NMNAT2: variants seen among roughly 807,000 people sequenced by gnomAD.
The protein encoded by NMNAT2 is nicotinamide nucleotide adenylyltransferase 2, also known as nicotinamide/nicotinic acid mononucleotide adenylyltransferase 2.
In NMNAT2, 11 loss-of-function variants were observed where a neutral mutation model predicts 41.6. The ratio of observed to expected loss-of-function variants is 0.26; its 90% CI spans 0.17 to 0.44. The LOEUF (loss-of-function observed/expected upper bound fraction) is 0.44. Ranked by LOEUF, NMNAT2 falls within the 20% of genes least tolerant of loss-of-function variation. The pLI is 1.00. For missense variants in NMNAT2, 288 were observed against 407.7 expected, an observed-to-expected ratio of 0.71 and a Z score of 2.53; for synonymous variants, 148 against 151.2, an observed-to-expected ratio of 0.98 and a Z score of 0.16.
chr1:183,353,235 T>G (rs1281059357), intron 1 of NMNAT2, among the ~76,000 whole-genome samples: 1 of 152,082 alleles, frequency 6.6e-6, no homozygotes, highest in Non-Finnish European at 1.5e-5. Context: ...CTTGAACTCC[T>G]GACCTCAAGA....
intron 1 of NMNAT2, among the ~76,000 whole-genome samples, chr1:183,368,803 T>C (rs1663468539): frequency 6.6e-6 from 1 of 152,228 alleles, no homozygotes; most frequent in Admixed American, 6.5e-5. Flanking sequence ...AGTAGATTCA[T>C]AGTTCTTTTG....
chr1:183,309,974 C>T (rs912858340), intron 1 of NMNAT2, among the ~76,000 whole-genome samples: 7 of 152,154 alleles, frequency 4.6e-5, no homozygotes, highest in African/African-American at 1.7e-4. Context: ...CTGGGTGAAC[C>T]TTTTCAGTAC....
At chr1:183,310,081 G>T (rs577215168) in intron 1 of NMNAT2, among the ~76,000 whole-genome samples, 1 of 152,310 alleles carries the variant, frequency 6.6e-6, no homozygotes, top group African/African-American at 2.4e-5. Context: ...TGAATTTGGT[G>T]ACCTTTACAG....
intron 1 of NMNAT2, among the ~76,000 whole-genome samples, chr1:183,374,441 G>A (rs930432637): frequency 3.0e-4 from 45 of 152,132 alleles, no homozygotes; most frequent in African/African-American, 9.4e-4. Flanking sequence ...AAACTAGGCC[G>A]GAGTCATAAT....
intron 2 of NMNAT2, 55 bp downstream of exon 2, chr1:183,293,650 G>C: frequency 2.3e-6 from 3 of 1,312,398 alleles, no homozygotes; most frequent in Non-Finnish European, 3.3e-6. Context: ...GAACTATCAG[G>C]CCAGGGATGG....
At position 183,362,452 on chromosome 1, in the gene NMNAT2, C is replaced by T. The variant is rs116406687; in HGVS notation, c.85+55731G>A. On this transcript the variant is annotated intron_variant, in intron 1 of 10. Coordinates refer to ENST00000287713, the MANE Select transcript of NMNAT2 (RefSeq NM_015039.4). ...CGCCCCCTGGCCCTGCAGTCCCTGACGGCCACTACTCTACTTTCTATCCCT... is the reference window on the plus strand; with the variant it reads ...CGCCCCCTGGCCCTGCAGTCCCTGATGGCCACTACTCTACTTTCTATCCCT... Among the ~76,000 whole-genome samples the T allele has an allele frequency of 3.5e-3, 526 of 152,266 alleles. 3 individuals carry two copies. Among genetic ancestry groups the T allele is most frequent in the African/African-American group, 0.012 (511 of 41,542 alleles).
At chr1:183,284,211 G>C (rs985237744) in intron 6 of NMNAT2, among the ~76,000 whole-genome samples, 172 bp from the exon 7 acceptor site, 1 of 152,282 alleles carries the variant, frequency 6.6e-6, no homozygotes, top group East Asian at 1.9e-4. Context: ...GGCATAAAAC[G>C]GACAGGAAGC....
chr1:183,275,830 G>A (rs985328446), intron 8 of NMNAT2, among the ~76,000 whole-genome samples: 13 of 152,064 alleles, frequency 8.5e-5, no homozygotes, highest in African/African-American at 2.2e-4. Flanking sequence ...CCGCCACCAC[G>A]CCCAGCTAAT....
intron 1 of NMNAT2, among the ~76,000 whole-genome samples, chr1:183,414,333 C>A (rs530603207): frequency 6.6e-6 from 1 of 152,260 alleles, no homozygotes; most frequent in East Asian, 1.9e-4. Flanking sequence ...TCCCCAATTC[C>A]TCTGTTTTTG....
At chr1:183,276,901 G>A (rs2102295561) in intron 8 of NMNAT2, among the ~76,000 whole-genome samples, 1 of 152,342 alleles carries the variant, frequency 6.6e-6, no homozygotes, top group East Asian at 1.9e-4. Flanking sequence ...GTTCCAGGGT[G>A]GAGAGGACTG....
intron 8 of NMNAT2, among the ~76,000 whole-genome samples, chr1:183,269,504 G>T (rs555509302): frequency 1.3e-5 from 2 of 152,346 alleles, no homozygotes; most frequent in African/African-American, 4.8e-5. Context: ...CTCCCAAACA[G>T]TGTTCTCTTC....
chr1:183,263,951 C>G (rs1040112076), intron 8 of NMNAT2, among the ~76,000 whole-genome samples: 1 of 151,740 alleles, frequency 6.6e-6, no homozygotes, highest in Non-Finnish European at 1.5e-5. Context: ...ATTAAAGCTC[C>G]GGGGAAATTG....
intron 10 of NMNAT2, among the ~76,000 whole-genome samples, chr1:183,258,009 C>A (rs972497918): frequency 6.6e-6 from 1 of 152,130 alleles, no homozygotes; most frequent in African/African-American, 2.4e-5. Context: ...TTAGAACTAT[C>A]CTTAGTTTAT....
chr1:183,389,820 GAAAGAAAGAAAGAAAGA>G (rs1648406326), intron 1 of NMNAT2, among the ~76,000 whole-genome samples: 1 of 55,220 alleles, frequency 1.8e-5, no homozygotes, highest in African/African-American at 6.1e-5. Context: ...AAGAAAGAAA[GAAAGAAAGAAAGAAAGA>G]AAGAAAGGAA....
intron 1 of NMNAT2, among the ~76,000 whole-genome samples, chr1:183,352,382 G>A (rs1663079686): frequency 6.6e-6 from 1 of 151,900 alleles, no homozygotes. Context: ...TGGCCAACAT[G>A]GTGAAACCCA....
At chr1:183,383,918 A>G (rs973755667) in intron 1 of NMNAT2, among the ~76,000 whole-genome samples, 3 of 152,198 alleles carry the variant, frequency 2.0e-5, no homozygotes, top group African/African-American at 7.2e-5. Flanking sequence ...CCTGTTGCCC[A>G]GTTCCAAAGT....
intron 1 of NMNAT2, among the ~76,000 whole-genome samples, chr1:183,341,749 C>CAAAAAAAAAG (rs1475480146): frequency 3.2e-5 from 1 of 31,680 alleles, no homozygotes; most frequent in Non-Finnish European, 6.4e-5. Flanking sequence ...AAAAAAAAAC[C>CAAAAAAAAAG]TGTTTCCTTC....
Position 183,302,785 on chromosome 1 carries a change from C to T in NMNAT2, c.86-8992G>A, listed in dbSNP as rs559172086. Among the ~76,000 whole-genome samples the T allele has an allele frequency of 2.0e-5, 3 of 152,326 alleles. No homozygotes were observed. In the South Asian group the frequency reaches 6.2e-4, roughly 32 times the overall value. On this transcript the variant is annotated intron_variant, in intron 1 of 10. Transcript: ENST00000287713. ...GCCTCACCTGTCATTCCCAGAACCA[C>T]AATCACATCTTTTGCCCCTGTTTCT...
At chr1:183,277,691 C>T (rs1244851726) in intron 8 of NMNAT2, among the ~76,000 whole-genome samples, 1 of 152,060 alleles carries the variant, frequency 6.6e-6, no homozygotes, top group Non-Finnish European at 1.5e-5. Context: ...GTCATGCCAC[C>T]TATTACTTGG....
Sources: allele counts gnomAD v4.1 joint callset (sites outside exome capture counted in the v4.1 genomes callset), GRCh38; gene constraint gnomAD v4.1.1; transcripts MANE v1.5; gene names NCBI Gene and HGNC (gene_info 2026-07-23, HGNC 2026-07-21).